NUP205: variants seen among roughly 807,000 people sequenced by gnomAD.
NUP205 encodes nuclear pore complex protein Nup205.
NUP205 carries 76 observed loss-of-function variants against 253.8 expected under a neutral mutation model. That is an observed-to-expected ratio of 0.30 (90% CI 0.25 to 0.36). The LOEUF (loss-of-function observed/expected upper bound fraction) is 0.36, where lower values mean the gene tolerates loss of function less well. NUP205 is among the 10% of genes least tolerant of loss of function. The probability of loss-of-function intolerance (pLI) is 1.00; values close to 1 mark genes in which losing one functional copy is unlikely to be tolerated. For synonymous variants in NUP205, 832 were observed against 850.1 expected, an observed-to-expected ratio of 0.98 and a Z score of 0.37; for missense variants, 2,162 against 2,425.5, an observed-to-expected ratio of 0.89 and a Z score of 2.28.
intron 39 of NUP205, among the ~76,000 whole-genome samples, 198 bp downstream of exon 39, chr7:135,643,556 G>A (rs1205236462): frequency 1.3e-5 from 2 of 152,190 alleles, no homozygotes; most frequent in African/African-American, 4.8e-5. Context: ...AAACAGTGAA[G>A]TGTAGCACCT....
At position 135,584,970 on chromosome 7, in the gene NUP205, A is replaced by G. The variant is rs751011674; in HGVS notation, c.1181A>G (p.Asn394Ser). 2 of 1,613,700 alleles carry G rather than the reference A, an allele frequency of 1.2e-6. No individual in the cohort carries two copies. The highest frequency in any genetic ancestry group is 8.5e-7 in the Non-Finnish European group (1 of 1,179,658). ...QEEFYIRRVH[N>S]LITDFLALMP... ...GAATTTTATATTCGCAGAGTCCATAATCTCATCACAGATTTCCTTGCACTT... is the reference window on the plus strand; with the variant it reads ...GAATTTTATATTCGCAGAGTCCATAGTCTCATCACAGATTTCCTTGCACTT... Residue 394 changes from asparagine (N) to serine (S), a missense_variant, in exon 8 of 43, where the codon AAT (asparagine) becomes AGT (serine). Around this residue, in one of 5 missense-constraint regions of NUP205, gnomAD observed 892 missense variants for 957.1 expected, o/e 0.93. Transcript: ENST00000285968.
At position 135,606,855 on chromosome 7, in the gene NUP205, C is replaced by G. The variant is rs1428233719; in HGVS notation, c.3010C>G (p.Leu1004Val). The change falls in exon 21 of 43, where the codon CTC (leucine) becomes GTC (valine). Residue 1004 changes from leucine to valine, a missense_variant. This residue lies in a region of NUP205 where 1,144 missense variants were observed against 1,280.9 expected (regional missense o/e 0.89). Transcript: ENST00000285968. ...SLECNPPNLA[L>V]YLLGFELKKP... is the part of the protein sequence containing the mutation. ...GGAATGCAATCCACCCAATCTTGCT[C>G]TCTACCTGTTGGGCTTTGAATTGAA... 4 of 1,613,998 alleles carry G rather than the reference C, an allele frequency of 2.5e-6. No individual in the cohort carries two copies. Among genetic ancestry groups the G allele is most frequent in the Admixed American group, 1.7e-5 (1 of 60,018 alleles).
rs757778631 is a variant in NUP205 at position 135,584,854 on chromosome 7, A to C, written c.1065A>C (p.Ala355=). 1 of 1,614,098 alleles carries C rather than the reference A, an allele frequency of 6.2e-7. No homozygotes were observed. Among genetic ancestry groups the C allele is most frequent in the Non-Finnish European group, 8.5e-7 (1 of 1,179,978 alleles). ...DVTALAEFTE[A]DEAMAELAIA... Reference sequence around the variant, plus strand: ...TAGCTCTGGCAGAATTCACAGAGGCAGATGAAGCAATGGCAGAACTCGCAA... The same window carrying C: ...TAGCTCTGGCAGAATTCACAGAGGCCGATGAAGCAATGGCAGAACTCGCAA... The change falls in exon 8 of 43, where the codon GCA becomes GCC. Residue 355 remains alanine, a synonymous_variant. Coordinates refer to ENST00000285968, the MANE Select transcript of NUP205 (RefSeq NM_015135.3).
chr7:135,595,872 G>A (rs1793820552), intron 13 of NUP205, among the ~76,000 whole-genome samples: 1 of 152,072 alleles, frequency 6.6e-6, no homozygotes. Flanking sequence ...ATGTATATCT[G>A]TCTTGGAAGT....
intron 1 of NUP205, among the ~76,000 whole-genome samples, chr7:135,566,795 T>C (rs1584634471): frequency 6.6e-6 from 1 of 152,122 alleles, no homozygotes; most frequent in Non-Finnish European, 1.5e-5. Context: ...TGAAGCGCAG[T>C]GGCGCAATCT....
intron 4 of NUP205, 64 bp downstream of exon 4, chr7:135,576,478 C>T: frequency 7.1e-7 from 1 of 1,406,872 alleles, no homozygotes; most frequent in South Asian, 1.2e-5. Context: ...ACAATATTTC[C>T]CTTATTATAT....
rs561059310 is a variant in NUP205, at chr7:135,631,567, C to T, written c.5059+1097C>T. ...TGATGTTTGCTTATATCATTTTAACCTTGTCAGGTTTTGTAACATTTACAT... is the reference window on the plus strand; with the variant it reads ...TGATGTTTGCTTATATCATTTTAACTTTGTCAGGTTTTGTAACATTTACAT... On this transcript the variant is annotated intron_variant, in intron 35 of 42. Transcript: ENST00000285968. Among the ~76,000 whole-genome samples, 77 of 152,232 alleles carry T rather than the reference C, an allele frequency of 5.1e-4. 1 individual carries two copies. In the South Asian group the frequency reaches 0.015, roughly 30 times the overall value.
intron 15 of NUP205, among the ~76,000 whole-genome samples, chr7:135,600,580 C>G (rs1471991719): frequency 2.0e-5 from 3 of 152,084 alleles, no homozygotes; most frequent in Non-Finnish European, 4.4e-5. Flanking sequence ...TTGAATATGA[C>G]TAGATACTAA....
chr7:135,578,766 T>A lies in NUP205; in HGVS notation c.893T>A (p.Leu298His). ...TEERDDMIHQ[L>H]PLLTEKQYIA... ...GTGTTTTCAGATATGATTCATCAAC[T>A]TCCACTGTTGACAGAAAAACAGTAC... Residue 298 changes from leucine to histidine, a missense_variant, in exon 7 of 43, where the codon CTT becomes CAT. By Grantham distance (99) the Leu-to-His change is moderately conservative (BLOSUM62 -3). This residue lies in a region of NUP205 where 892 missense variants were observed against 957.1 expected (regional missense o/e 0.93). Coordinates refer to ENST00000285968, the MANE Select transcript of NUP205 (RefSeq NM_015135.3). 6.3e-7 allele frequency: 1 copy of A among 1,599,732 alleles called. No individual in the cohort carries two copies. Among genetic ancestry groups the A allele is most frequent in the Non-Finnish European group, 8.5e-7 (1 of 1,174,514 alleles).
In NUP205 at chr7:135,594,648, T is replaced by A. The variant is rs375443812; in HGVS notation, c.1932T>A (p.Ala644=). The A allele has an allele frequency of 1.9e-6, 3 of 1,614,010 alleles. No individual in the cohort carries two copies. In the South Asian group the frequency reaches 3.3e-5, roughly 18 times the overall value. Residue 644 remains alanine (A), a synonymous_variant, in exon 13 of 43, where the codon GCT becomes GCA. Coordinates refer to ENST00000285968, the MANE Select transcript of NUP205 (RefSeq NM_015135.3). The part of the protein sequence containing the change: ...LQCSIPPVLK[A]ELLKTLAAFG... ...GCAGTATTCCCCCTGTCCTAAAAGC[T>A]GAGCTACTGAAGACACTCGCAGCTT... is the stretch of plus-strand genomic sequence containing the variant.
Position 135,616,122 on chromosome 7 carries a change from C to G in NUP205, c.3460+57C>G, listed in dbSNP as rs1794351773. 6 of 1,494,990 alleles carry G rather than the reference C, an allele frequency of 4.0e-6. No homozygotes were observed. In the Admixed American group the frequency reaches 9.3e-5, roughly 23 times the overall value. 92.6% of individuals were successfully genotyped at this position (1,494,990 alleles called of 1,614,324 possible). ...TGACTAGTTGTCGTGAAGACAAGCA[C>G]AAATCTGAAGCTTGTGCTTAGTATG... On this transcript the variant is annotated intron_variant, in intron 24 of 42. Coordinates refer to ENST00000285968, the MANE Select transcript of NUP205 (RefSeq NM_015135.3).
At chr7:135,637,810 A>T in intron 36 of NUP205, 121 bp from the exon 37 acceptor site, 1 of 816,032 alleles carries the variant, frequency 1.2e-6, no homozygotes, top group Non-Finnish European at 1.8e-6. Context: ...AGTTTTAAGT[A>T]AGATATTAGA....
chr7:135,625,880 AG>A (rs1794578468), intron 32 of NUP205, among the ~76,000 whole-genome samples: 1 of 152,220 alleles, frequency 6.6e-6, no homozygotes, highest in African/African-American at 2.4e-5. Flanking sequence ...TTTATTTAAC[AG>A]GTATTTATTA....
chr7:135,610,691 C>T (rs1370838994), intron 22 of NUP205, among the ~76,000 whole-genome samples: 1 of 152,120 alleles, frequency 6.6e-6, no homozygotes, highest in Non-Finnish European at 1.5e-5. Context: ...AAATATACTC[C>T]CTATACCTAT....
In NUP205 at chr7:135,626,225, C is replaced by G. The variant is rs769433416; in HGVS notation, c.4672-15C>G. 2.1e-5 allele frequency: 34 copies of G among 1,613,568 alleles called. No individual in the cohort carries two copies. The South Asian group carries it at 3.6e-4, about 17-fold the overall frequency. ...TGATTTCAGCACTGATGATTTTTCTCTTGTAACTCCTCAGGCATTTCTCAC... is the reference window on the plus strand; with the variant it reads ...TGATTTCAGCACTGATGATTTTTCTGTTGTAACTCCTCAGGCATTTCTCAC... On this transcript the variant is annotated splice_polypyrimidine_tract_variant and intron_variant, in intron 32 of 42. Coordinates refer to ENST00000285968, the MANE Select transcript of NUP205 (RefSeq NM_015135.3).
At chr7:135,631,107 G>A (rs1316314894) in intron 35 of NUP205, among the ~76,000 whole-genome samples, 2 of 152,034 alleles carry the variant, frequency 1.3e-5, no homozygotes, top group South Asian at 2.1e-4. Context: ...GAGAAAGAAA[G>A]CAACAGAGAC....
chr7:135,628,783 A>G (rs1794646485), intron 34 of NUP205, among the ~76,000 whole-genome samples: 1 of 152,006 alleles, frequency 6.6e-6, no homozygotes, highest in South Asian at 2.1e-4. Flanking sequence ...ATTTCTGGTA[A>G]TTTTTTCTGC....
At chr7:135,574,989 TTTTGAG>T (rs1806113957) in intron 3 of NUP205, among the ~76,000 whole-genome samples, 1 of 152,146 alleles carries the variant, frequency 6.6e-6, no homozygotes, top group African/African-American at 2.4e-5. Flanking sequence ...CATGCTTGAG[TTTTGAG>T]TTTAACTCGG....
At chr7:135,566,334 C>G (rs1805758380) in intron 1 of NUP205, among the ~76,000 whole-genome samples, 1 of 152,052 alleles carries the variant, frequency 6.6e-6, no homozygotes, top group Non-Finnish European at 1.5e-5. Flanking sequence ...GTCTTGAACT[C>G]CTAGCCTTGG....
Sources: allele counts gnomAD v4.1 joint callset (sites outside exome capture counted in the v4.1 genomes callset), GRCh38; gene constraint gnomAD v4.1.1; regional missense constraint gnomAD v4.1.1; transcripts MANE v1.5; gene names NCBI Gene and HGNC (gene_info 2026-07-23, HGNC 2026-07-21).